Variants in PHACTR3 observed in about 807,000 individuals in gnomAD.
PHACTR3 encodes the protein protein phosphatase 1, regulatory subunit 123.
A neutral mutation model predicts 66.8 loss-of-function variants in PHACTR3; 16 were observed. That is an observed-to-expected ratio of 0.24 (90% CI 0.16 to 0.36). The LOEUF is 0.36. Among genes scored for constraint, PHACTR3 ranks in the 10% least tolerant of loss-of-function variants. PHACTR3 has a pLI of 1.00. For synonymous variants in PHACTR3, 323 were observed against 292.1 expected (o/e 1.11, Z -1.08); for missense variants, 647 against 719.9 (o/e 0.90, Z 1.16).
chr20:59,743,333 C>T (rs925630614), intron 2 of PHACTR3, 65 bp downstream of exon 2: 39 of 1,574,950 alleles, frequency 2.5e-5, no homozygotes, highest in African/African-American at 1.9e-4. Flanking sequence ...CATGGTGCTG[C>T]GGCCCCTGCT....
chr20:59,841,427 A>G lies in PHACTR3; in HGVS notation c.1479A>G (p.Arg493=). 6.2e-7 allele frequency: 1 copy of G among 1,613,626 alleles called. No homozygotes were observed. The highest frequency in any genetic ancestry group is 8.5e-7 in the Non-Finnish European group (1 of 1,179,670). ...AGAGACCCACTGTTGATGAATTAAG[A>G]GACAGAAAAATTCTGATACGATTCA... The part of the protein sequence containing the change: ...LNQRPTVDEL[R]DRKILIRFSD... The change falls in exon 11 of 13, where the codon AGA becomes AGG. Residue 493 remains arginine (R), a synonymous_variant. Transcript: ENST00000371015.
intron 1 of PHACTR3, among the ~76,000 whole-genome samples, chr20:59,653,529 A>G (rs947364239): frequency 6.6e-6 from 1 of 152,202 alleles, no homozygotes; most frequent in Non-Finnish European, 1.5e-5. Context: ...CAGTATTTTA[A>G]CTGTATATCC....
At chr20:59,799,376 A>C (rs1403215634) in intron 7 of PHACTR3, among the ~76,000 whole-genome samples, 4 of 152,140 alleles carry the variant, frequency 2.6e-5, no homozygotes, top group Non-Finnish European at 5.9e-5. Context: ...GGGGTTTTGA[A>C]ATCTCCAAGA....
intron 7 of PHACTR3, among the ~76,000 whole-genome samples, chr20:59,775,072 A>G (rs1354608944): frequency 2.1e-5 from 2 of 95,104 alleles, no homozygotes; most frequent in Non-Finnish European, 5.4e-5. Context: ...ATTTGTCCTC[A>G]TGGTGCGTTC....
chr20:59,807,945 C>T (rs1038326396), intron 8 of PHACTR3, among the ~76,000 whole-genome samples: 4 of 152,194 alleles, frequency 2.6e-5, no homozygotes, highest in African/African-American at 9.6e-5. Flanking sequence ...GGGTGGGCAC[C>T]TTCTGTGTTG....
Position 59,752,423 on chromosome 20 carries a change from G to A in PHACTR3, c.359-2759G>A, listed in dbSNP as rs559732283. Among the ~76,000 whole-genome samples the A allele has an allele frequency of 1.2e-4, 18 of 152,200 alleles. No individual in the cohort carries two copies. In the East Asian group the frequency reaches 3.1e-3, roughly 26 times the overall value. On this transcript the variant is annotated intron_variant, in intron 3 of 12. Coordinates refer to ENST00000371015, the MANE Select transcript of PHACTR3 (RefSeq NM_080672.5). ...CCTTCCAGCGAGAGGAGCAGGGCCT[G>A]GGCTCCCACCGCTCCCCCAACCCCT...
At chr20:59,657,603 C>A (rs1373689752) in intron 1 of PHACTR3, among the ~76,000 whole-genome samples, 2 of 152,034 alleles carry the variant, frequency 1.3e-5, no homozygotes, top group African/African-American at 2.4e-5. Flanking sequence ...TTATTTTCTC[C>A]TTCAGCACTT....
intron 1 of PHACTR3, among the ~76,000 whole-genome samples, chr20:59,608,793 C>G (rs1007324852): frequency 2.0e-5 from 3 of 152,238 alleles, no homozygotes; most frequent in Admixed American, 6.5e-5. Context: ...CAGACCTGTT[C>G]CCCACCCCAG....
At chr20:59,691,857 T>G (rs1305991528) in intron 1 of PHACTR3, among the ~76,000 whole-genome samples, 2 of 152,150 alleles carry the variant, frequency 1.3e-5, no homozygotes, top group East Asian at 1.9e-4. Context: ...TGAACCCACC[T>G]CCAGATCCAC....
chr20:59,796,880 G>T (rs1323940187), intron 7 of PHACTR3, among the ~76,000 whole-genome samples: 1 of 152,174 alleles, frequency 6.6e-6, no homozygotes, highest in Admixed American at 6.5e-5. Context: ...CATGGATCTG[G>T]ATGTCCATCT....
upstream of PHACTR3, among the ~76,000 whole-genome samples, chr20:59,602,379 T>C (rs2033502325): frequency 6.8e-6 from 1 of 147,118 alleles, no homozygotes; most frequent in South Asian, 2.1e-4. Context: ...TGTAGTGCAC[T>C]ATGATTGCCC....
chr20:59,833,705 A>T (rs2145483278), intron 8 of PHACTR3, among the ~76,000 whole-genome samples: 1 of 152,246 alleles, frequency 6.6e-6, no homozygotes, highest in African/African-American at 2.4e-5. Flanking sequence ...AATTGTCTTG[A>T]GCCACACACA....
At chr20:59,659,361 G>T (rs973884042) in intron 1 of PHACTR3, among the ~76,000 whole-genome samples, 4 of 147,250 alleles carry the variant, frequency 2.7e-5, no homozygotes, top group Admixed American at 6.8e-5. Flanking sequence ...AGATCAGCTG[G>T]GTCTGGGACT....
chr20:59,810,745 A>T lies in PHACTR3; in HGVS notation c.1328+4551A>T, dbSNP rs1182530. On this transcript the variant is annotated intron_variant, in intron 8 of 12. Coordinates refer to ENST00000371015, the MANE Select transcript of PHACTR3 (RefSeq NM_080672.5). The stretch of plus-strand genomic sequence containing the variant: ...TCCGTGTGCTTGGTCTGGGACCCCC[A>T]GGAAAGTCAGGGTCCCATTTGAAAG... 2.0e-5 allele frequency among the ~76,000 whole-genome samples: 3 copies of T among 152,064 alleles called. No individual in the cohort carries two copies. The East Asian group carries it at 5.8e-4, about 29-fold the overall frequency.
Position 59,736,554 on chromosome 20 carries a change from A to T in PHACTR3, c.119-6553A>T, listed in dbSNP as rs1401161128. On this transcript the variant is annotated intron_variant, in intron 1 of 12. Coordinates refer to ENST00000371015, the MANE Select transcript of PHACTR3 (RefSeq NM_080672.5). The surrounding 1 kb of genome is among the most constrained non-coding windows in gnomAD (Gnocchi z 4.6). ...CGCCCACCCGTGTAGGTGCACACCC[A>T]CCCATGCCCATGCATGCTGGCTCTG... Among the ~76,000 whole-genome samples, 2 of 122,868 alleles carry T rather than the reference A, an allele frequency of 1.6e-5. No individual in the cohort carries two copies. Among genetic ancestry groups the T allele is most frequent in the Non-Finnish European group, 3.3e-5 (2 of 60,662 alleles). The allele number at this position is 122,868 out of a possible 152,430, so 80.6% of individuals were successfully genotyped here.
chr20:59,627,122 C>T (rs2034481365), intron 1 of PHACTR3, among the ~76,000 whole-genome samples: 2 of 152,174 alleles, frequency 1.3e-5, no homozygotes, highest in Admixed American at 6.5e-5. Flanking sequence ...AAGGACAATC[C>T]TCAGCTGACG....
In PHACTR3 at chr20:59,692,054, C is replaced by G. The variant is rs186456157; in HGVS notation, c.119-51053C>G. 1.2e-3 allele frequency among the ~76,000 whole-genome samples: 189 copies of G among 152,340 alleles called. 2 individuals are homozygous for G. The highest frequency in any genetic ancestry group is 3.5e-4 in the Non-Finnish European group (24 of 68,034). On this transcript the variant is annotated intron_variant, in intron 1 of 12. Coordinates refer to ENST00000371015, the MANE Select transcript of PHACTR3 (RefSeq NM_080672.5). ...ATTCAACCTTTGTTTCCATTTATCTCTTAGCCTTCCGAGACAGGACGCAAT... is the reference window on the plus strand; with the variant it reads ...ATTCAACCTTTGTTTCCATTTATCTGTTAGCCTTCCGAGACAGGACGCAAT...
chr20:59,787,339 C>A (rs1374881266), intron 7 of PHACTR3, among the ~76,000 whole-genome samples: 2 of 152,170 alleles, frequency 1.3e-5, no homozygotes, highest in Non-Finnish European at 2.9e-5. Flanking sequence ...GGGGAGGGCA[C>A]TGAGCTGAGA....
At chr20:59,688,477 G>A (rs763550812) in intron 1 of PHACTR3, among the ~76,000 whole-genome samples, 4 of 152,178 alleles carry the variant, frequency 2.6e-5, no homozygotes, top group East Asian at 1.9e-4. Context: ...AAGCCTAGTC[G>A]GCTTTATCTT....
Sources: allele counts gnomAD v4.1 joint callset (sites outside exome capture counted in the v4.1 genomes callset), GRCh38; gene constraint gnomAD v4.1.1; non-coding constraint Gnocchi (gnomAD v3.1); transcripts MANE v1.5; gene names NCBI Gene and HGNC (gene_info 2026-07-23, HGNC 2026-07-21).